The following TNS3 variants were observed in gnomAD, a reference collection of about 807,000 sequenced individuals.
The protein encoded by TNS3 is tensin 3.
TNS3 carries 45 observed loss-of-function variants against 140.9 expected under a neutral mutation model. That is an observed-to-expected ratio of 0.32 (90% CI 0.25 to 0.41). The LOEUF is 0.41. TNS3 is among the 10% of genes least tolerant of loss of function. The probability of loss-of-function intolerance (pLI) is 1.00; values close to 1 mark genes in which losing one functional copy is unlikely to be tolerated. For missense variants in TNS3, 1,716 were observed against 1,906.7 expected, an observed-to-expected ratio of 0.90 and a Z score of 1.86; for synonymous variants, 815 against 788.4, an observed-to-expected ratio of 1.03 and a Z score of -0.56.
intron 20 of TNS3, among the ~76,000 whole-genome samples, chr7:47,336,003 G>C (rs1296476764): frequency 6.6e-6 from 1 of 152,062 alleles, no homozygotes; most frequent in Non-Finnish European, 1.5e-5. Flanking sequence ...GAGATGCTTC[G>C]GACAGCAGTT....
intron 8 of TNS3, among the ~76,000 whole-genome samples, chr7:47,429,312 T>G (rs76392014): frequency 0.061 from 9,263 of 151,982 alleles, 624 homozygotes; most frequent in African/African-American, 0.16. Context: ...ACTGCAGGGG[T>G]AGGTTTGAGT....
Position 47,369,005 on chromosome 7 carries a change from G to A in TNS3, c.1641C>T (p.Gly547=), listed in dbSNP as rs751668471. ...LVPDLGLGMD[G]PYERERTFGS... is the part of the protein sequence containing the mutation. Reference sequence around the variant, plus strand: ...CAAAAGTCCGCTCCCGCTCATAGGGGCCGTCCATGCCAAGGCCCAGGTCCG... The same window carrying A: ...CAAAAGTCCGCTCCCGCTCATAGGGACCGTCCATGCCAAGGCCCAGGTCCG... The change falls in exon 17 of 31, where the codon GGC becomes GGT. Residue 547 remains glycine, a synonymous_variant. Coordinates refer to ENST00000311160, the MANE Select transcript of TNS3 (RefSeq NM_022748.12). The A allele has an allele frequency of 1.2e-6, 2 of 1,613,992 alleles. No individual in the cohort carries two copies. The highest frequency in any genetic ancestry group is 1.7e-5 in the Admixed American group (1 of 60,028).
intron 17 of TNS3, among the ~76,000 whole-genome samples, chr7:47,366,855 C>T (rs952914103): frequency 6.6e-6 from 1 of 152,116 alleles, no homozygotes; most frequent in South Asian, 2.1e-4. Flanking sequence ...CCAAGAACCA[C>T]GCCAGCATAA....
At position 47,304,918 on chromosome 7, in the gene TNS3, A is replaced by T. The variant is rs750601204; in HGVS notation, c.2736T>A (p.Ala912=). ...PIGPKSTMLR[A]DASSTPSFQQ... ...GAAAGGAGGGCGTCGAGGACGCATC[A>T]GCCCGGAGCATCGTGGATTTGGGTC... Residue 912 remains alanine, a synonymous_variant, in exon 21 of 31, where the codon GCT becomes GCA. Coordinates refer to ENST00000311160, the MANE Select transcript of TNS3 (RefSeq NM_022748.12). 7.7e-6 allele frequency: 11 copies of T among 1,436,360 alleles called. No homozygotes were observed. The Admixed American group carries it at 2.6e-4, about 34-fold the overall frequency. The allele number at this position is 1,436,360 out of a possible 1,614,324, so 89.0% of individuals were successfully genotyped here.
intron 3 of TNS3, among the ~76,000 whole-genome samples, chr7:47,494,485 TC>T (rs1167239724): frequency 3.3e-5 from 5 of 152,202 alleles, no homozygotes; most frequent in African/African-American, 1.2e-4. Context: ...TTCTATCCAC[TC>T]CACCTCCCCT....
intron 28 of TNS3, among the ~76,000 whole-genome samples, chr7:47,283,271 C>A (rs181924266): frequency 6.6e-6 from 1 of 152,060 alleles, no homozygotes; most frequent in Non-Finnish European, 1.5e-5. Context: ...AATTGGCCAA[C>A]GGAAATAGTA....
chr7:47,297,156 G>T lies in TNS3; in HGVS notation c.3602C>A (p.Ser1201Tyr). ...GGCCAGGCCATAGGCCCCTCGGAAG[G>T]AATGGCTGTCTCGAACAATGAATGA... ...PGSFIVRDSH[S>Y]FRGAYGLAMK... The change falls in exon 24 of 31, where the codon TCC becomes TAC. Residue 1201 changes from serine (S) to tyrosine (Y), a missense_variant. Physicochemically the swap from Ser to Tyr is moderately radical, Grantham distance 144 (BLOSUM62 -2). Around this residue, in one of 3 missense-constraint regions of TNS3, gnomAD observed 1,163 missense variants for 1,182.1 expected, o/e 0.98. Coordinates refer to ENST00000311160, the MANE Select transcript of TNS3 (RefSeq NM_022748.12). The T allele has an allele frequency of 6.2e-7, 1 of 1,613,924 alleles. No homozygotes were observed. The highest frequency in any genetic ancestry group is 8.5e-7 in the Non-Finnish European group (1 of 1,179,996).
At chr7:47,534,452 C>T (rs1220946183) in intron 1 of TNS3, among the ~76,000 whole-genome samples, 2 of 152,032 alleles carry the variant, frequency 1.3e-5, no homozygotes, top group Non-Finnish European at 2.9e-5. Context: ...AATGACCAAA[C>T]GCTGTATCAT....
At chr7:47,524,487 CT>C (rs1423682649) in intron 2 of TNS3, among the ~76,000 whole-genome samples, 1 of 152,184 alleles carries the variant, frequency 6.6e-6, no homozygotes, top group Non-Finnish European at 1.5e-5. Flanking sequence ...CTGGCTGCCC[CT>C]GGAAAGGAAC....
chr7:47,507,781 C>T (rs1348435920), intron 2 of TNS3, among the ~76,000 whole-genome samples: 3 of 152,224 alleles, frequency 2.0e-5, no homozygotes, highest in Non-Finnish European at 2.9e-5. Context: ...CCAACACAGC[C>T]TCCTGTGCCA....
intron 27 of TNS3, among the ~76,000 whole-genome samples, chr7:47,289,805 G>A (rs914318117): frequency 1.3e-5 from 2 of 152,138 alleles, no homozygotes. Context: ...TTTTGCCAAG[G>A]TGTCAGTTCT....
intron 17 of TNS3, among the ~76,000 whole-genome samples, chr7:47,365,929 T>C (rs1035238143): frequency 6.6e-6 from 1 of 152,100 alleles, no homozygotes; most frequent in Non-Finnish European, 1.5e-5. Flanking sequence ...TTGGAAGACA[T>C]ATTAACCTCA....
intron 8 of TNS3, among the ~76,000 whole-genome samples, chr7:47,430,376 C>T (rs574224225): frequency 6.6e-5 from 10 of 152,164 alleles, no homozygotes; most frequent in South Asian, 6.2e-4. Context: ...GTGATCCCCC[C>T]GCCTCGGCCT....
chr7:47,295,411 T>C (rs900095600), intron 24 of TNS3, among the ~76,000 whole-genome samples: 5 of 152,210 alleles, frequency 3.3e-5, no homozygotes, highest in Admixed American at 1.3e-4. Context: ...CGCCAGATGC[T>C]CTTGGTCCTG....
intron 4 of TNS3, among the ~76,000 whole-genome samples, chr7:47,461,850 G>A (rs566513897): frequency 1.3e-5 from 2 of 152,352 alleles, no homozygotes; most frequent in Admixed American, 6.5e-5. Context: ...TCAAATTTCT[G>A]TAGGGCAGCT....
chr7:47,477,860 A>G (rs1376754759), intron 4 of TNS3, among the ~76,000 whole-genome samples: 1 of 152,166 alleles, frequency 6.6e-6, no homozygotes, highest in Admixed American at 6.5e-5. Flanking sequence ...GCTCCGCTAA[A>G]TGGGGGGGTC....
At chr7:47,526,565 A>G (rs920076786) in intron 2 of TNS3, among the ~76,000 whole-genome samples, 1 of 152,252 alleles carries the variant, frequency 6.6e-6, no homozygotes, top group African/African-American at 2.4e-5. Flanking sequence ...GGGCAGGGCC[A>G]GGACCCAGCT....
At chr7:47,492,105 C>T (rs1005092641) in intron 3 of TNS3, among the ~76,000 whole-genome samples, 1 of 152,210 alleles carries the variant, frequency 6.6e-6, no homozygotes, top group Non-Finnish European at 1.5e-5. Context: ...TAACTATTGG[C>T]ACCAGAAATG....
chr7:47,390,146 C>T (rs894652640), intron 16 of TNS3, among the ~76,000 whole-genome samples: 9 of 152,330 alleles, frequency 5.9e-5, no homozygotes, highest in South Asian at 2.1e-4. Context: ...ACTGTGTATA[C>T]CCAAGCACTC....
Sources: gnomAD v4.1 joint callset for allele counts (sites outside exome capture counted in the v4.1 genomes callset) on GRCh38, gnomAD v4.1.1 for gene constraint, gnomAD v4.1.1 regional missense constraint, MANE v1.5 for transcripts, NCBI Gene and HGNC (gene_info 2026-07-23, HGNC 2026-07-21) for gene names.